COL13A1: variants seen among roughly 807,000 people sequenced by gnomAD.
COL13A1 encodes collagen type XIII alpha 1 chain.
COL13A1 carries 89 observed loss-of-function variants against 130.9 expected under a neutral mutation model. That is an observed-to-expected ratio of 0.68 (90% confidence interval 0.57 to 0.81). The LOEUF is 0.81. Ranked by LOEUF, COL13A1 falls within the 30% of genes least tolerant of loss-of-function variation. The pLI is 0.00. For synonymous variants in COL13A1, 402 were observed against 341.6 expected (o/e 1.18, Z -1.95); for missense variants, 879 against 934.6 (o/e 0.94, Z 0.78).
intron 10 of COL13A1, among the ~76,000 whole-genome samples, chr10:69,892,271 C>A (rs1012589388): frequency 6.6e-6 from 1 of 152,140 alleles, no homozygotes; most frequent in African/African-American, 2.4e-5. Flanking sequence ...TGTCTCCTGC[C>A]CCAGATGCTG....
intron 2 of COL13A1, among the ~76,000 whole-genome samples, chr10:69,844,522 GTAA>G: frequency 6.6e-6 from 1 of 152,272 alleles, no homozygotes; most frequent in East Asian, 1.9e-4. Context: ...GTAAAATAGG[GTAA>G]TAATATTAGC....
chr10:69,956,613 C>A (rs1047600775), intron 39 of COL13A1: 5 of 207,312 alleles, frequency 2.4e-5, no homozygotes, highest in African/African-American at 1.1e-4. Flanking sequence ...AAGCAACTGT[C>A]CTTGCCAAGG....
intron 38 of COL13A1, among the ~76,000 whole-genome samples, chr10:69,950,989 C>T (rs2069455445): frequency 6.6e-6 from 1 of 152,170 alleles, no homozygotes; most frequent in Admixed American, 6.5e-5. Context: ...GCTAGGATTA[C>T]AGGCTAGTGC....
At chr10:69,892,657 G>A (rs1416941785) in intron 10 of COL13A1, among the ~76,000 whole-genome samples, 1 of 152,222 alleles carries the variant, frequency 6.6e-6, no homozygotes, top group Non-Finnish European at 1.5e-5. Context: ...AGGCCTGCTG[G>A]CAAGTGCTAA....
At chr10:69,805,073 G>T (rs969810602) in intron 1 of COL13A1, among the ~76,000 whole-genome samples, 4 of 152,276 alleles carry the variant, frequency 2.6e-5, no homozygotes, top group Admixed American at 6.5e-5. Flanking sequence ...AGAACTGGGG[G>T]AAGTCCAGGA....
At position 69,825,178 on chromosome 10, in the gene COL13A1, T is replaced by G. The variant is rs185917770; in HGVS notation, c.364+2740T>G. 2.0e-5 allele frequency among the ~76,000 whole-genome samples: 3 copies of G among 152,328 alleles called. No homozygotes were observed. The East Asian group carries it at 5.8e-4, about 29-fold the overall frequency. Reference sequence around the variant, plus strand: ...TGTGCATTGGTAACCTTCCTCAAAATACTAAAAGTAGGTAGAAGGGAATTC... The same window carrying G: ...TGTGCATTGGTAACCTTCCTCAAAAGACTAAAAGTAGGTAGAAGGGAATTC... On this transcript the variant is annotated intron_variant, in intron 2 of 40. Transcript: ENST00000645393.
At chr10:69,874,684 G>A (rs2059409096) in intron 4 of COL13A1, among the ~76,000 whole-genome samples, 1 of 152,208 alleles carries the variant, frequency 6.6e-6, no homozygotes, top group African/African-American at 2.4e-5. Flanking sequence ...GGCAGAGACA[G>A]ACCGAGGAAA....
chr10:69,898,595 C>G, intron 13 of COL13A1, 102 bp from the exon 14 acceptor site: 2 of 873,402 alleles, frequency 2.3e-6, no homozygotes, highest in Middle Eastern at 4.4e-4. Flanking sequence ...TGCTCCGGTC[C>G]CTCTTGGTTG....
chr10:69,946,993 T>C (rs984136364), intron 37 of COL13A1, among the ~76,000 whole-genome samples: 12 of 152,152 alleles, frequency 7.9e-5, no homozygotes, highest in Admixed American at 1.3e-4. Context: ...TTTCACCTCG[T>C]TGGCCAGGAT....
intron 2 of COL13A1, chr10:69,824,191 G>A (rs1287734675): frequency 1.5e-5 from 7 of 470,750 alleles, no homozygotes; most frequent in African/African-American, 2.0e-5. Context: ...GAGATTCCTC[G>A]AGATAATCCT....
Position 69,941,005 on chromosome 10 carries a change from C to T in COL13A1, c.1896C>T (p.Asp632=), listed in dbSNP as rs374512468. The T allele has an allele frequency of 2.9e-5, 46 of 1,613,846 alleles. No homozygotes were observed. Among genetic ancestry groups the T allele is most frequent in the Admixed American group, 2.3e-4 (14 of 59,996 alleles). The change falls in exon 35 of 41, where the codon GAC becomes GAT. Residue 632 remains aspartate, a synonymous_variant. Coordinates refer to ENST00000645393, the MANE Select transcript of COL13A1 (RefSeq NM_001368882.1). The part of the protein sequence containing the change: ...PLGLPGASGL[D]GRPGPPGTPG... ...TCGTCCAGGGAGCTTCAGGTTTGGA[C>T]GGCAGGCCTGGGCCACCGGTGAGTG... is the stretch of plus-strand genomic sequence containing the variant.
intron 2 of COL13A1, among the ~76,000 whole-genome samples, chr10:69,832,995 C>A (rs61849200): frequency 0.077 from 11,733 of 152,286 alleles, 505 homozygotes; most frequent in Middle Eastern, 0.14. Context: ...AGTAGGAGAA[C>A]GAGGGGCAAC....
intron 39 of COL13A1, chr10:69,956,670 C>T (rs1589782013): frequency 1.1e-5 from 3 of 263,172 alleles, no homozygotes; most frequent in South Asian, 7.0e-5. Flanking sequence ...AGTGGCTTAC[C>T]CGTGAGCAGC....
At chr10:69,820,532 A>G (rs1845793709) in intron 1 of COL13A1, among the ~76,000 whole-genome samples, 1 of 152,254 alleles carries the variant, frequency 6.6e-6, no homozygotes, top group Non-Finnish European at 1.5e-5. Context: ...TTCATGAGCC[A>G]GGCTCAGAGC....
At chr10:69,936,256 G>A (rs942302354) in intron 32 of COL13A1, among the ~76,000 whole-genome samples, 2 of 152,072 alleles carry the variant, frequency 1.3e-5, no homozygotes, top group African/African-American at 4.8e-5. Flanking sequence ...TAACCATGGG[G>A]CCCCTGTGCA....
At chr10:69,828,090 CA>C (rs1400528638) in intron 2 of COL13A1, among the ~76,000 whole-genome samples, 2 of 152,186 alleles carry the variant, frequency 1.3e-5, no homozygotes, top group African/African-American at 4.8e-5. Context: ...CCCTGCTTTA[CA>C]TGCAAATAAT....
At chr10:69,884,590 C>T (rs1300630415) in intron 7 of COL13A1, among the ~76,000 whole-genome samples, 2 of 152,170 alleles carry the variant, frequency 1.3e-5, no homozygotes, top group African/African-American at 4.8e-5. Flanking sequence ...GGACCTCCTT[C>T]GGCTCCCTTT....
chr10:69,870,787 A>C (rs929356999), intron 3 of COL13A1, among the ~76,000 whole-genome samples: 3 of 152,034 alleles, frequency 2.0e-5, no homozygotes, highest in Non-Finnish European at 4.4e-5. Flanking sequence ...TGGCACTGCA[A>C]CATCCTGTGC....
At chr10:69,860,890 C>T (rs1195304716) in intron 2 of COL13A1, among the ~76,000 whole-genome samples, 1 of 152,224 alleles carries the variant, frequency 6.6e-6, no homozygotes, top group Non-Finnish European at 1.5e-5. Flanking sequence ...AGGCATATAC[C>T]CTTACCCATT....
Sources: allele counts gnomAD v4.1 joint callset (sites outside exome capture counted in the v4.1 genomes callset), GRCh38; gene constraint gnomAD v4.1.1; transcripts MANE v1.5; gene names NCBI Gene and HGNC (gene_info 2026-07-23, HGNC 2026-07-21).